ANKRD44: variants seen among roughly 807,000 people sequenced by gnomAD.
ANKRD44 encodes serine/threonine-protein phosphatase 6 regulatory ankyrin repeat subunit B.
In ANKRD44, 35 loss-of-function variants were observed where a neutral mutation model predicts 116.0. The observed-to-expected ratio is 0.30, with a 90% CI of 0.23 to 0.40. The LOEUF (loss-of-function observed/expected upper bound fraction) is 0.40. ANKRD44 is among the 10% of genes least tolerant of loss of function. ANKRD44 has a pLI of 1.00. For synonymous variants in ANKRD44, 435 were observed against 461.8 expected, an observed-to-expected ratio of 0.94 and a Z score of 0.74; for missense variants, 1,014 against 1,242.6, an observed-to-expected ratio of 0.82 and a Z score of 2.77.
chr2:197,125,727 T>C, intron 5 of ANKRD44, 110 bp downstream of exon 5: 6 of 1,263,746 alleles, frequency 4.7e-6, no homozygotes, highest in Non-Finnish European at 6.7e-6. Flanking sequence ...AGGTTTGGTG[T>C]ACAAATATTT....
At chr2:197,034,976 A>G (rs2124916767) in intron 16 of ANKRD44, among the ~76,000 whole-genome samples, 1 of 152,364 alleles carries the variant, frequency 6.6e-6, no homozygotes, top group South Asian at 2.1e-4. Context: ...TGAAATTACA[A>G]TAATTCATAG....
rs1574226788 is a variant in ANKRD44, at chr2:196,990,904, C to T, written c.2924-1255G>A. 12 of 1,232,508 alleles carry T rather than the reference C, an allele frequency of 9.7e-6. No homozygotes were observed. In the Middle Eastern group the frequency reaches 8.9e-4, roughly 92 times the overall value. The allele number at this position is 1,232,508 out of a possible 1,614,324, so 76.3% of individuals were successfully genotyped here. ...CAGTCAGCCACGTCTTTGTTAGGAG[C>T]GCAAGCCAGGGCCGGGGTATGACCT... On this transcript the variant is annotated intron_variant, in intron 27 of 27. Coordinates refer to ENST00000282272, the MANE Select transcript of ANKRD44 (RefSeq NM_001195144.2).
chr2:197,248,194 G>C lies in ANKRD44; in HGVS notation c.28-61088C>G, dbSNP rs2082233674. ...TGTGTCAAATTGGAGAGGGGTTCTG[G>C]ATAAGATTAAATTTAAATGAATGAA... On this transcript the variant is annotated intron_variant, in intron 1 of 27. Coordinates refer to ENST00000282272, the MANE Select transcript of ANKRD44 (RefSeq NM_001195144.2). 2.6e-5 allele frequency among the ~76,000 whole-genome samples: 4 copies of C among 152,114 alleles called. No individual in the cohort carries two copies. In the South Asian group the frequency reaches 8.3e-4, roughly 32 times the overall value.
At chr2:197,027,863 T>A (rs1034566726) in intron 16 of ANKRD44, among the ~76,000 whole-genome samples, 7 of 151,620 alleles carry the variant, frequency 4.6e-5, no homozygotes, top group Non-Finnish European at 8.8e-5. Context: ...TTAAAAAAAA[T>A]TTTTTTGGTA....
chr2:197,261,045 G>A (rs2082590449), intron 1 of ANKRD44, among the ~76,000 whole-genome samples: 1 of 151,622 alleles, frequency 6.6e-6, no homozygotes, highest in African/African-American at 2.4e-5. Flanking sequence ...CACTCTGATG[G>A]TAGTTTCTTT....
chr2:197,187,116 C>A lies in ANKRD44; in HGVS notation c.28-10G>T. The A allele has an allele frequency of 6.2e-7, 1 of 1,613,742 alleles. No homozygotes were observed. The highest frequency in any genetic ancestry group is 8.5e-7 in the Non-Finnish European group (1 of 1,179,720). On this transcript the variant is annotated splice_polypyrimidine_tract_variant and intron_variant, in intron 1 of 27. Transcript: ENST00000282272. ...CCTGAACCAATGGTGGCTGCAAACA[C>A]AAGAGAATGGGAATCAGAACTAAAA...
chr2:197,058,974 G>A (rs1388311507), intron 16 of ANKRD44, among the ~76,000 whole-genome samples: 1 of 152,162 alleles, frequency 6.6e-6, no homozygotes, highest in Non-Finnish European at 1.5e-5. Flanking sequence ...TTTCCATGGT[G>A]ACTTGTGAGA....
At chr2:197,258,828 T>C (rs1329493439) in intron 1 of ANKRD44, among the ~76,000 whole-genome samples, 8 of 152,234 alleles carry the variant, frequency 5.3e-5, no homozygotes, top group Non-Finnish European at 1.0e-4. Context: ...GGCATTTCCC[T>C]AATGATCAGT....
At chr2:197,240,374 CAAAA>C (rs5837533) in intron 1 of ANKRD44, among the ~76,000 whole-genome samples, 2 of 96,628 alleles carry the variant, frequency 2.1e-5, no homozygotes, top group Admixed American at 1.1e-4. Context: ...GGCTCCAGCT[CAAAA>C]AAAAAAAAAA....
chr2:197,079,964 A>G (rs2077756718), intron 15 of ANKRD44, among the ~76,000 whole-genome samples: 1 of 152,196 alleles, frequency 6.6e-6, no homozygotes, highest in African/African-American at 2.4e-5. Flanking sequence ...AAATCAAACT[A>G]TTCTTAGAGT....
At chr2:197,008,074 A>G in intron 19 of ANKRD44, 151 bp from the exon 20 acceptor site, 1 of 614,968 alleles carries the variant, frequency 1.6e-6, no homozygotes, top group Non-Finnish European at 2.9e-6. Context: ...TTTGCTATAC[A>G]ATATGCAGAA....
intron 1 of ANKRD44, among the ~76,000 whole-genome samples, chr2:197,304,583 A>C (rs947387823): frequency 6.6e-6 from 1 of 152,190 alleles, no homozygotes; most frequent in Admixed American, 6.5e-5. Flanking sequence ...CACAGAAGGG[A>C]GAGGGCAGAG....
intron 16 of ANKRD44, among the ~76,000 whole-genome samples, chr2:197,072,066 G>GGAAGGAAA (rs1341876152): frequency 7.1e-5 from 10 of 140,286 alleles, no homozygotes; most frequent in African/African-American, 3.2e-4. Flanking sequence ...AAGGAAGGAA[G>GGAAGGAAA]GAAGGAAGGA....
chr2:197,244,007 C>T (rs2082140381), intron 1 of ANKRD44, among the ~76,000 whole-genome samples: 2 of 152,164 alleles, frequency 1.3e-5, no homozygotes, highest in Admixed American at 1.3e-4. Flanking sequence ...TTCTTCCACC[C>T]AGGAATGCAA....
At chr2:197,289,917 G>A (rs1650682661) in intron 1 of ANKRD44, among the ~76,000 whole-genome samples, 1 of 151,046 alleles carries the variant, frequency 6.6e-6, no homozygotes, top group African/African-American at 2.4e-5. Context: ...CCCAGGCTGA[G>A]TGCAGTGGCG....
In ANKRD44 at chr2:197,013,448, C is replaced by T. The variant is rs1267256223; in HGVS notation, c.1924+63G>A. ...TGGGATGAAAGAAGATGCTGCTTTC[C>T]TTCTATTAAAACTTACGAACAAGCC... On this transcript the variant is annotated intron_variant, in intron 18 of 27. Coordinates refer to ENST00000282272, the MANE Select transcript of ANKRD44 (RefSeq NM_001195144.2). 43 of 1,525,488 alleles carry T rather than the reference C, an allele frequency of 2.8e-5. 1 individual carries two copies. Among genetic ancestry groups the T allele is most frequent in the Non-Finnish European group, 3.7e-5 (41 of 1,114,846 alleles). The allele number at this position is 1,525,488 out of a possible 1,614,324, so 94.5% of individuals were successfully genotyped here.
chr2:197,126,721 C>T (rs1426036192), intron 4 of ANKRD44, among the ~76,000 whole-genome samples: 1 of 151,552 alleles, frequency 6.6e-6, no homozygotes, highest in Non-Finnish European at 1.5e-5. Flanking sequence ...CAAGCATGGG[C>T]AACATAACAA....
chr2:197,237,891 T>C (rs2082010241), intron 1 of ANKRD44, among the ~76,000 whole-genome samples: 1 of 152,236 alleles, frequency 6.6e-6, no homozygotes, highest in Admixed American at 6.5e-5. Context: ...CCGGATGCCC[T>C]TCCACTCCTG....
intron 2 of ANKRD44, among the ~76,000 whole-genome samples, chr2:197,175,614 G>C (rs909179246): frequency 3.3e-5 from 5 of 152,088 alleles, no homozygotes; most frequent in Non-Finnish European, 7.4e-5. Flanking sequence ...TCTGTTCCCA[G>C]GTGCTCAAAG....
Sources: gnomAD v4.1 joint callset for allele counts (sites outside exome capture counted in the v4.1 genomes callset) on GRCh38, gnomAD v4.1.1 for gene constraint, MANE v1.5 for transcripts, NCBI Gene and HGNC (gene_info 2026-07-23, HGNC 2026-07-21) for gene names.